The following YWHAE variants were observed in gnomAD, a reference collection of about 807,000 sequenced individuals.
YWHAE encodes the protein tyrosine 3-monooxygenase/tryptophan 5-monooxygenase activation protein epsilon, also known as 14-3-3 protein epsilon.
In YWHAE, 4 loss-of-function variants were observed where a neutral mutation model predicts 30.1. That is an observed-to-expected ratio of 0.13 (90% CI 0.07 to 0.30). YWHAE has a LOEUF of 0.30. Ranked by LOEUF, YWHAE falls within the 10% of genes least tolerant of loss-of-function variation. The probability of loss-of-function intolerance (pLI) is 1.00; values close to 1 mark genes in which losing one functional copy is unlikely to be tolerated. For missense variants in YWHAE, 121 were observed against 315.9 expected, an observed-to-expected ratio of 0.38 and a Z score of 4.68; for synonymous variants, 118 against 111.8, an observed-to-expected ratio of 1.06 and a Z score of -0.35.
intron 1 of YWHAE, among the ~76,000 whole-genome samples, chr17:1,388,445 G>A (rs2073341123): frequency 6.6e-6 from 1 of 151,824 alleles, no homozygotes; most frequent in Non-Finnish European, 1.5e-5. Flanking sequence ...GAACCCAGGA[G>A]GTGGAGCTTG....
intron 1 of YWHAE, among the ~76,000 whole-genome samples, chr17:1,395,474 A>C (rs984930983): frequency 6.6e-6 from 1 of 152,136 alleles, no homozygotes; most frequent in Admixed American, 6.5e-5. Context: ...GGTTGCAGTG[A>C]GCCAAGACCA....
intron 4 of YWHAE, among the ~76,000 whole-genome samples, chr17:1,358,590 A>C (rs920871224): frequency 6.6e-6 from 1 of 151,458 alleles, no homozygotes; most frequent in Non-Finnish European, 1.5e-5. Context: ...CTGTAATCCC[A>C]GCACTTTGGG....
At chr17:1,380,660 G>T (rs1298624958) in intron 1 of YWHAE, among the ~76,000 whole-genome samples, 1 of 152,288 alleles carries the variant, frequency 6.6e-6, no homozygotes. Flanking sequence ...GTGTTAATGT[G>T]CCTGATGTAG....
chr17:1,353,330 C>T (rs2072668772), intron 5 of YWHAE, among the ~76,000 whole-genome samples: 1 of 149,104 alleles, frequency 6.7e-6, no homozygotes, highest in Admixed American at 6.8e-5. Flanking sequence ...CCCAGCTACT[C>T]GGGAGACTGA....
chr17:1,400,039 C>G lies in YWHAE; in HGVS notation c.64+8G>C. The G allele has an allele frequency of 6.2e-7, 1 of 1,613,824 alleles. No homozygotes were observed. On this transcript the variant is annotated splice_region_variant and intron_variant, in intron 1 of 5. Coordinates refer to ENST00000264335, the MANE Select transcript of YWHAE (RefSeq NM_006761.5). The stretch of plus-strand genomic sequence containing the variant: ...GAATTCCAGCCCCCCGTTGCCCCCC[C>G]AACTCACCGTCGTATCGCTCAGCCT...
chr17:1,370,030 G>T (rs2150858325), intron 1 of YWHAE, among the ~76,000 whole-genome samples: 1 of 151,690 alleles, frequency 6.6e-6, no homozygotes, highest in Non-Finnish European at 1.5e-5. Context: ...GCAAGACAAT[G>T]AAGTCTGCCA....
At chr17:1,350,191 A>T (rs1158806739) in intron 5 of YWHAE, among the ~76,000 whole-genome samples, 1 of 151,536 alleles carries the variant, frequency 6.6e-6, no homozygotes, top group African/African-American at 2.4e-5. Flanking sequence ...ACCTCAGGTG[A>T]TCCACCCGCT....
chr17:1,351,288 G>C, intron 5 of YWHAE, among the ~76,000 whole-genome samples: 1 of 151,682 alleles, frequency 6.6e-6, no homozygotes, highest in African/African-American at 2.4e-5. Context: ...AGAGGCAGGA[G>C]AATCACTTGA....
intron 1 of YWHAE, among the ~76,000 whole-genome samples, chr17:1,375,259 C>T (rs1389075436): frequency 6.6e-6 from 1 of 152,110 alleles, no homozygotes; most frequent in Non-Finnish European, 1.5e-5. Flanking sequence ...TGATAATGTA[C>T]CCCAAAACTA....
intron 1 of YWHAE, among the ~76,000 whole-genome samples, chr17:1,389,085 C>A (rs1466951633): frequency 1.3e-5 from 2 of 152,132 alleles, no homozygotes; most frequent in African/African-American, 4.8e-5. Flanking sequence ...ACCACCTTGG[C>A]CTCCCAAGTA....
chr17:1,345,522 A>C lies in YWHAE; in HGVS notation c.716-23T>G, dbSNP rs1298124829. 3 of 1,612,352 alleles carry C rather than the reference A, an allele frequency of 1.9e-6. No individual in the cohort carries two copies. The East Asian group carries it at 6.7e-5, about 36-fold the overall frequency. ...CACCTGTTAAAAAAGAAAAAAAGTCAATTATTTCGTATTGACTACATTAGG... is the reference window on the plus strand; with the variant it reads ...CACCTGTTAAAAAAGAAAAAAAGTCCATTATTTCGTATTGACTACATTAGG... On this transcript the variant is annotated intron_variant, in intron 5 of 5. Transcript: ENST00000264335.
intron 1 of YWHAE, among the ~76,000 whole-genome samples, chr17:1,394,436 C>CAAAAAAAAAAAAAAAAAAAAAAA (rs544115909): frequency 2.4e-4 from 14 of 58,548 alleles, no homozygotes; most frequent in Admixed American, 7.7e-4. Context: ...CTCAAATCCA[C>CAAAAAAAAAAAAAAAAAAAAAAA]AAAAAAAAAA....
chr17:1,393,320 CAAA>C (rs879836225), intron 1 of YWHAE, among the ~76,000 whole-genome samples: 5 of 102,112 alleles, frequency 4.9e-5, no homozygotes, highest in Non-Finnish European at 4.1e-5. Context: ...GACCCTGTCT[CAAA>C]AAAAAAAAAA....
At chr17:1,346,831 A>T (rs907997378) in intron 5 of YWHAE, among the ~76,000 whole-genome samples, 3 of 151,580 alleles carry the variant, frequency 2.0e-5, no homozygotes, top group Non-Finnish European at 4.4e-5. Context: ...CTGAAAAAAT[A>T]ATACAAAAAA....
intron 1 of YWHAE, among the ~76,000 whole-genome samples, chr17:1,368,070 G>C (rs991222433): frequency 6.6e-6 from 1 of 151,988 alleles, no homozygotes; most frequent in African/African-American, 2.4e-5. Context: ...GGCCAACATG[G>C]TGACACCCCG....
chr17:1,361,951 G>C lies in YWHAE; in HGVS notation c.322C>G (p.Leu108Val). 1 of 1,608,684 alleles carries C rather than the reference G, an allele frequency of 6.2e-7. No individual in the cohort carries two copies. Among genetic ancestry groups the C allele is most frequent in the Non-Finnish European group, 8.5e-7 (1 of 1,178,434 alleles). ...TCGCCAGTGTTAGCTGCTGGAATGA[G>C]GTGTTTGTCCAGTACATCCAGAATG... Reference protein sequence around the residue: ...CDILDVLDKHLIPAANTGESK... With the variant: ...CDILDVLDKHVIPAANTGESK... Residue 108 changes from leucine to valine, a missense_variant, in exon 3 of 6, where the codon CTC becomes GTC. Coordinates refer to ENST00000264335, the MANE Select transcript of YWHAE (RefSeq NM_006761.5).
At chr17:1,352,461 A>G (rs1485686570) in intron 5 of YWHAE, among the ~76,000 whole-genome samples, 1 of 152,152 alleles carries the variant, frequency 6.6e-6, no homozygotes, top group Admixed American at 6.6e-5. Flanking sequence ...CGTTTCCCCA[A>G]AAGAAACTAC....
chr17:1,388,543 G>A (rs1356102287), intron 1 of YWHAE, among the ~76,000 whole-genome samples: 9 of 148,724 alleles, frequency 6.1e-5, no homozygotes, highest in African/African-American at 2.2e-4. Context: ...AAAAGTGCTA[G>A]GATTACAGGC....
In YWHAE at chr17:1,388,110, TTTGGTTGG is replaced by T. The variant is rs1353554635; in HGVS notation, c.64+11929_64+11936del. Among the ~76,000 whole-genome samples, 363 of 45,464 alleles carry T rather than the reference TTTGGTTGG, an allele frequency of 8.0e-3. 66 individuals carry two copies. Among genetic ancestry groups the T allele is most frequent in the African/African-American group, 0.035 (274 of 7,734 alleles). The allele number at this position is 45,464 out of a possible 152,430, so 29.8% of individuals were successfully genotyped here. On this transcript the variant is annotated intron_variant, in intron 1 of 5. Transcript: ENST00000264335. ...CGCCTGGGTAATTTTTGTTTTTTTT[TTTGGTTGG>T]TTTTTTTTTTTTTTTTTTTTTTTTA...
Sources: gnomAD v4.1 joint callset for allele counts (sites outside exome capture counted in the v4.1 genomes callset) on GRCh38, gnomAD v4.1.1 for gene constraint, MANE v1.5 for transcripts, NCBI Gene and HGNC (gene_info 2026-07-23, HGNC 2026-07-21) for gene names.